Variants in KCNQ5 observed in about 807,000 individuals in gnomAD.
KCNQ5 encodes potassium voltage-gated channel subfamily KQT member 5.
Under a neutral mutation model 98.2 loss-of-function variants are expected in KCNQ5, and 30 were observed. That is an observed-to-expected ratio of 0.31 (90% confidence interval 0.23 to 0.41). The LOEUF is 0.41. Ranked by LOEUF, KCNQ5 falls within the 10% of genes least tolerant of loss-of-function variation. The pLI is 1.00. For synonymous variants in KCNQ5, 458 were observed against 449.4 expected, an observed-to-expected ratio of 1.02 and a Z score of -0.24; for missense variants, 835 against 1,182.5, an observed-to-expected ratio of 0.71 and a Z score of 4.31.
chr6:72,737,836 G>A (rs907150994), intron 1 of KCNQ5, among the ~76,000 whole-genome samples: 7 of 152,000 alleles, frequency 4.6e-5, no homozygotes, highest in East Asian at 1.9e-4. Context: ...GGACAGAGGA[G>A]AGGAAAGGAG....
chr6:72,830,097 T>C (rs62412470), intron 1 of KCNQ5, among the ~76,000 whole-genome samples: 89,443 of 151,878 alleles, frequency 0.59, 26,972 homozygotes, highest in African/African-American at 0.71. Flanking sequence ...CACAAACAAA[T>C]GGAAGAACAT....
chr6:72,887,372 A>G (rs1180287222), intron 1 of KCNQ5, among the ~76,000 whole-genome samples: 1 of 152,110 alleles, frequency 6.6e-6, no homozygotes, highest in Non-Finnish European at 1.5e-5. Flanking sequence ...CACCATCACA[A>G]GAACAGCACA....
At chr6:73,133,972 G>A (rs1040122453) in intron 10 of KCNQ5, 41 of 489,196 alleles carry the variant, frequency 8.4e-5, no homozygotes, top group Middle Eastern at 6.3e-4. Flanking sequence ...TATTTGTGAC[G>A]TCTGACCAGC....
In KCNQ5 at chr6:72,652,430, C is replaced by T. The variant is rs575680231; in HGVS notation, c.398+29843C>T. Among the ~76,000 whole-genome samples the T allele has an allele frequency of 4.0e-5, 6 of 148,944 alleles. No homozygotes were observed. The South Asian group carries it at 8.5e-4, about 21-fold the overall frequency. ...TCCCTCTTCTTTTCTCCTGGTTTTT[C>T]CCCCTCCCTCTTTACCTTTTCTCCT... On this transcript the variant is annotated intron_variant, in intron 1 of 13. Transcript: ENST00000370398.
At chr6:72,633,417 A>G (rs1008304797) in intron 1 of KCNQ5, among the ~76,000 whole-genome samples, 2 of 152,240 alleles carry the variant, frequency 1.3e-5, no homozygotes, top group African/African-American at 4.8e-5. Flanking sequence ...ATGGAAAAAC[A>G]TTCCATGCTC....
chr6:73,022,610 GA>G (rs977243926), intron 2 of KCNQ5, among the ~76,000 whole-genome samples: 5 of 150,596 alleles, frequency 3.3e-5, no homozygotes, highest in South Asian at 2.1e-4. Flanking sequence ...TTCTGTCTCT[GA>G]AAAAAAAATG....
intron 1 of KCNQ5, among the ~76,000 whole-genome samples, chr6:72,909,128 G>A (rs542982810): frequency 5.3e-5 from 8 of 152,114 alleles, no homozygotes; most frequent in African/African-American, 1.9e-4. Flanking sequence ...TGAAACAACG[G>A]GGAAGTTTTC....
intron 1 of KCNQ5, among the ~76,000 whole-genome samples, chr6:72,828,693 TA>T (rs965304406): frequency 6.6e-6 from 1 of 151,966 alleles, no homozygotes; most frequent in South Asian, 2.1e-4. Context: ...TTTTCCTCTT[TA>T]AAAAAAATCT....
At chr6:72,789,277 C>G (rs952511437) in intron 1 of KCNQ5, among the ~76,000 whole-genome samples, 1 of 152,144 alleles carries the variant, frequency 6.6e-6, no homozygotes, top group Non-Finnish European at 1.5e-5. Flanking sequence ...GTGCCTCAGC[C>G]TCCTGAGTAG....
At chr6:72,702,394 T>G (rs1768858466) in intron 1 of KCNQ5, among the ~76,000 whole-genome samples, 1 of 152,160 alleles carries the variant, frequency 6.6e-6, no homozygotes, top group African/African-American at 2.4e-5. Context: ...CCTGAGTTAT[T>G]GGCCAAGATT....
intron 10 of KCNQ5, among the ~76,000 whole-genome samples, chr6:73,142,375 A>G (rs1776757469): frequency 6.6e-6 from 1 of 152,066 alleles, no homozygotes; most frequent in Non-Finnish European, 1.5e-5. Context: ...TTGTCTTTCC[A>G]GGAACCCAAA....
chr6:72,986,841 C>G, intron 1 of KCNQ5: 1 of 1,035,550 alleles, frequency 9.7e-7, no homozygotes, highest in Non-Finnish European at 1.5e-6. Flanking sequence ...CAGGACCCCA[C>G]AGCCCTCTCA....
intron 2 of KCNQ5, among the ~76,000 whole-genome samples, chr6:73,009,587 C>A (rs1359450975): frequency 6.6e-6 from 1 of 151,860 alleles, no homozygotes; most frequent in Admixed American, 6.6e-5. Flanking sequence ...TCAATGAAAC[C>A]AAAAGTTGGC....
At chr6:73,139,362 G>A (rs1011007488) in intron 10 of KCNQ5, among the ~76,000 whole-genome samples, 3 of 152,206 alleles carry the variant, frequency 2.0e-5, no homozygotes, top group Admixed American at 6.5e-5. Flanking sequence ...TCAAGTGTGG[G>A]GGGAAGTAGC....
intron 1 of KCNQ5, among the ~76,000 whole-genome samples, chr6:72,872,795 C>G (rs1414453692): frequency 6.6e-6 from 1 of 152,046 alleles, no homozygotes; most frequent in African/African-American, 2.4e-5. Context: ...GTTCAATACT[C>G]TCCCATCTCT....
At chr6:72,657,408 C>G (rs1424719424) in intron 1 of KCNQ5, among the ~76,000 whole-genome samples, 1 of 152,116 alleles carries the variant, frequency 6.6e-6, no homozygotes, top group South Asian at 2.1e-4. Context: ...TTCTCATCCT[C>G]TATAAAAATT....
At chr6:72,867,389 TA>T (rs927636094) in intron 1 of KCNQ5, among the ~76,000 whole-genome samples, 3 of 152,188 alleles carry the variant, frequency 2.0e-5, no homozygotes, top group Non-Finnish European at 4.4e-5. Flanking sequence ...TAAGGTGCCT[TA>T]AAAGAAACAC....
At chr6:73,151,078 T>G (rs1478674017) in intron 10 of KCNQ5, among the ~76,000 whole-genome samples, 3 of 152,170 alleles carry the variant, frequency 2.0e-5, no homozygotes, top group Admixed American at 1.3e-4. Context: ...GGAAACTGAA[T>G]AGAGGGTACA....
chr6:73,014,667 A>G (rs1260713254), intron 2 of KCNQ5, among the ~76,000 whole-genome samples: 3 of 152,106 alleles, frequency 2.0e-5, no homozygotes, highest in Non-Finnish European at 2.9e-5. Context: ...GGCAGGTCTA[A>G]TTATATCTTA....
Sources: allele counts gnomAD v4.1 joint callset (sites outside exome capture counted in the v4.1 genomes callset), GRCh38; gene constraint gnomAD v4.1.1; transcripts MANE v1.5; gene names NCBI Gene and HGNC (gene_info 2026-07-23, HGNC 2026-07-21).